LMLN: variants seen among roughly 807,000 people sequenced by gnomAD.
LMLN encodes leishmanolysin like peptidase.
In LMLN, 70 loss-of-function variants were observed where a neutral mutation model predicts 92.3. That is an observed-to-expected ratio of 0.76 (90% CI 0.63 to 0.92). The LOEUF is 0.92. Ranked by LOEUF, LMLN falls within the 40% of genes least tolerant of loss-of-function variation. The pLI is 0.00. For synonymous variants in LMLN, 308 were observed against 296.2 expected, an observed-to-expected ratio of 1.04 and a Z score of -0.41; for missense variants, 691 against 814.6, an observed-to-expected ratio of 0.85 and a Z score of 1.85.
At chr3:198,016,934 A>C (rs769468170) in intron 11 of LMLN, among the ~76,000 whole-genome samples, 5 of 152,130 alleles carry the variant, frequency 3.3e-5, no homozygotes, top group Non-Finnish European at 5.9e-5. Flanking sequence ...ACAAATGGGC[A>C]TGGCCATGTT....
chr3:198,029,368 G>T (rs1433896560), intron 14 of LMLN, among the ~76,000 whole-genome samples: 3 of 152,014 alleles, frequency 2.0e-5, no homozygotes, highest in Non-Finnish European at 2.9e-5. Flanking sequence ...CAAATTTGTT[G>T]TCTGCTTCCA....
chr3:197,999,430 A>T, intron 11 of LMLN, 88 bp downstream of exon 11: 1 of 867,692 alleles, frequency 1.2e-6, no homozygotes, highest in Non-Finnish European at 1.9e-6. Flanking sequence ...CTGACATTTT[A>T]TGCTGAAGCA....
At chr3:198,041,429 A>G (rs1288115953) in exon 16 of LMLN, 2 of 152,206 alleles carry the variant, frequency 1.3e-5, no homozygotes, top group African/African-American at 4.8e-5. Flanking sequence ...TACTAAAAAT[A>G]TTGTATAAAA....
intron 1 of LMLN, among the ~76,000 whole-genome samples, chr3:197,968,205 G>A (rs980161831): frequency 1.3e-5 from 2 of 152,168 alleles, no homozygotes; most frequent in African/African-American, 2.4e-5. Context: ...GGTGGCTTAT[G>A]CCTGTAATCC....
intron 6 of LMLN, among the ~76,000 whole-genome samples, chr3:197,981,800 G>A (rs1581141198): frequency 6.7e-6 from 1 of 149,228 alleles, no homozygotes; most frequent in South Asian, 2.1e-4. Context: ...AAGGGAGTCA[G>A]CTAGTCTTTT....
At chr3:198,015,928 G>C (rs984132857) in intron 11 of LMLN, among the ~76,000 whole-genome samples, 1 of 152,168 alleles carries the variant, frequency 6.6e-6, no homozygotes, top group Non-Finnish European at 1.5e-5. Context: ...GGCCGGGTGT[G>C]GTGTGGTGGC....
At chr3:197,984,247 G>A (rs372811908) in intron 7 of LMLN, among the ~76,000 whole-genome samples, 199 bp downstream of exon 7, 214 of 151,950 alleles carry the variant, frequency 1.4e-3, no homozygotes, top group African/African-American at 5.0e-3. Flanking sequence ...TGCACCTGTC[G>A]TACCAGCTAC....
chr3:198,013,984 C>G (rs1280238116), intron 11 of LMLN, among the ~76,000 whole-genome samples: 1 of 140,028 alleles, frequency 7.1e-6, no homozygotes, highest in African/African-American at 2.8e-5. Flanking sequence ...TCTCTCCACC[C>G]TTTAGAGCCC....
At chr3:197,961,243 G>A in intron 1 of LMLN, among the ~76,000 whole-genome samples, 1 of 152,120 alleles carries the variant, frequency 6.6e-6, no homozygotes, top group East Asian at 1.9e-4. Flanking sequence ...GTGGGATAAG[G>A]TTTGTGTTTC....
chr3:198,035,932 G>A, exon 15 of LMLN: 2 of 1,613,832 alleles, frequency 1.2e-6, no homozygotes, highest in Non-Finnish European at 1.7e-6. Flanking sequence ...CCAGATGAAT[G>A]GCTGGATTCA....
At chr3:197,988,078 T>G (rs1272378204) in intron 8 of LMLN, among the ~76,000 whole-genome samples, 2 of 152,160 alleles carry the variant, frequency 1.3e-5, no homozygotes, top group Admixed American at 6.5e-5. Flanking sequence ...TTCTCCTAGT[T>G]TATCTTTTTA....
At chr3:198,006,077 A>T (rs796698567) in intron 11 of LMLN, among the ~76,000 whole-genome samples, 5 of 152,312 alleles carry the variant, frequency 3.3e-5, no homozygotes, top group African/African-American at 1.2e-4. Flanking sequence ...AGATCGCACC[A>T]CTGTATTCCA....
At chr3:198,009,636 T>C (rs1722380577) in intron 11 of LMLN, among the ~76,000 whole-genome samples, 1 of 152,224 alleles carries the variant, frequency 6.6e-6, no homozygotes, top group Admixed American at 6.5e-5. Context: ...TTGTGAATTA[T>C]TGTGAATTAA....
At chr3:197,991,453 C>T (rs774381822) in intron 9 of LMLN, among the ~76,000 whole-genome samples, 3 of 151,996 alleles carry the variant, frequency 2.0e-5, no homozygotes, top group East Asian at 1.9e-4. Context: ...GGAAGTTGGG[C>T]GAGTTCAAAT....
At chr3:198,018,611 G>A (rs577432874) in intron 11 of LMLN, among the ~76,000 whole-genome samples, 2 of 152,232 alleles carry the variant, frequency 1.3e-5, no homozygotes, top group African/African-American at 2.4e-5. Context: ...AATAAGACAA[G>A]TCATCAATTT....
chr3:197,966,063 G>A (rs114530629), intron 1 of LMLN, among the ~76,000 whole-genome samples: 1,980 of 152,198 alleles, frequency 0.013, 41 homozygotes, highest in African/African-American at 0.044. Context: ...TTATTTTTGA[G>A]ACAGAGTCTC....
At chr3:197,994,997 C>T (rs1721979129) in intron 9 of LMLN, among the ~76,000 whole-genome samples, 1 of 152,188 alleles carries the variant, frequency 6.6e-6, no homozygotes, top group African/African-American at 2.4e-5. Flanking sequence ...GTGTGTTATA[C>T]ACAATTGACC....
At chr3:198,014,431 C>A (rs1722556693) in intron 11 of LMLN, among the ~76,000 whole-genome samples, 1 of 126,868 alleles carries the variant, frequency 7.9e-6, no homozygotes, top group Non-Finnish European at 1.7e-5. Context: ...CTCCACCCTT[C>A]AGAGCCCCCT....
At chr3:198,041,813 G>A (rs979661437) in exon 16 of LMLN, 1 of 152,122 alleles carries the variant, frequency 6.6e-6, no homozygotes, top group African/African-American at 2.4e-5. Flanking sequence ...ATATATTTGA[G>A]AGTCACAGTG....
Sources: allele counts gnomAD v4.1 joint callset (sites outside exome capture counted in the v4.1 genomes callset), GRCh38; gene constraint gnomAD v4.1.1; transcripts MANE v1.5; gene names NCBI Gene and HGNC (gene_info 2026-07-23, HGNC 2026-07-21).